TEAD1: variants seen among roughly 807,000 people sequenced by gnomAD.
The protein encoded by TEAD1 is TEA domain transcription factor 1, also known as transcriptional enhancer factor TEF-1.
Under a neutral mutation model 54.9 loss-of-function variants are expected in TEAD1, and 9 were observed. The ratio of observed to expected loss-of-function variants is 0.16; its 90% confidence interval spans 0.10 to 0.29. The LOEUF is 0.29. TEAD1 is among the 10% of genes least tolerant of loss of function. The pLI, the probability that TEAD1 is intolerant of heterozygous loss-of-function variation, is 1.00. For missense variants in TEAD1, 387 were observed against 535.9 expected (o/e 0.72, Z 2.74); for synonymous variants, 200 against 187.8 (o/e 1.07, Z -0.53).
chr11:12,864,656 TGTTTC>T (rs1287511737), intron 4 of TEAD1, 177 bp from the exon 5 acceptor site: 6 of 1,440,252 alleles, frequency 4.2e-6, no homozygotes, highest in Non-Finnish European at 5.5e-6. Context: ...TGTTTTGTTT[TGTTTC>T]CCCTCATAAA....
At position 12,943,964 on chromosome 11, in the gene TEAD1, A is replaced by AT. The variant is rs1949184229; in HGVS notation, c.*6745dup. 3 of 152,596 alleles carry AT rather than the reference A, an allele frequency of 2.0e-5. No individual in the cohort carries two copies. The South Asian group carries it at 6.2e-4, about 32-fold the overall frequency. 9.5% of individuals were successfully genotyped at this position (152,596 alleles called of 1,614,324 possible). A position where few individuals can be genotyped will look rare whatever the true frequency, so the allele number is the denominator to read the frequency against. The stretch of plus-strand genomic sequence containing the variant: ...AAATGACAAAAAAAAAATTTGTAAC[A>AT]TTTAAAAAAGAAACCTGAATAGCCT... On this transcript the variant is annotated 3_prime_UTR_variant, in exon 13 of 13. Transcript: ENST00000527636.
At chr11:12,794,156 G>C (rs1428692428) in intron 3 of TEAD1, among the ~76,000 whole-genome samples, 2 of 152,204 alleles carry the variant, frequency 1.3e-5, no homozygotes, top group East Asian at 3.9e-4. Context: ...TTCTAGGTAT[G>C]AGCTGTGTAA....
intron 8 of TEAD1, 107 bp downstream of exon 8, chr11:12,882,064 G>T (rs549529883): frequency 8.1e-7 from 1 of 1,227,260 alleles, no homozygotes. Context: ...TGCCACAGCC[G>T]CACATTGCCC....
chr11:12,744,616 T>C (rs1017107186), intron 2 of TEAD1, among the ~76,000 whole-genome samples: 20 of 152,244 alleles, frequency 1.3e-4, no homozygotes, highest in Non-Finnish European at 2.9e-5. Context: ...TCTTTGTGGA[T>C]GTTTCTATAT....
chr11:12,899,815 T>G lies in TEAD1; in HGVS notation c.700-2125T>G, dbSNP rs540643560. 4.4e-4 allele frequency among the ~76,000 whole-genome samples: 67 copies of G among 152,240 alleles called. 1 individual carries two copies. In the South Asian group the frequency reaches 6.4e-3, roughly 15 times the overall value. On this transcript the variant is annotated intron_variant, in intron 9 of 12. Coordinates refer to ENST00000527636, the MANE Select transcript of TEAD1 (RefSeq NM_021961.6). Reference sequence around the variant, plus strand: ...AGCTTTGGAAAAGATACCACTCTGATGTTGAACAGGAGAGGGACCTGGCCC... The same window carrying G: ...AGCTTTGGAAAAGATACCACTCTGAGGTTGAACAGGAGAGGGACCTGGCCC...
At chr11:12,856,322 G>A (rs1947378322) in intron 3 of TEAD1, among the ~76,000 whole-genome samples, 2 of 152,036 alleles carry the variant, frequency 1.3e-5, no homozygotes, top group Non-Finnish European at 2.9e-5. Context: ...TTGCAATCAT[G>A]ACATGTGCTG....
At chr11:12,828,726 A>G (rs1375981536) in intron 3 of TEAD1, among the ~76,000 whole-genome samples, 1 of 147,300 alleles carries the variant, frequency 6.8e-6, no homozygotes, top group Non-Finnish European at 1.5e-5. Flanking sequence ...ATCTAAGCGA[A>G]TGGTTTCCTA....
chr11:12,923,535 G>C (rs533464355), intron 10 of TEAD1, among the ~76,000 whole-genome samples: 1 of 152,312 alleles, frequency 6.6e-6, no homozygotes, highest in East Asian at 1.9e-4. Context: ...TCTGAGCATT[G>C]TGCCGGATGC....
intron 2 of TEAD1, among the ~76,000 whole-genome samples, chr11:12,757,904 C>T (rs996127633): frequency 6.6e-5 from 10 of 151,586 alleles, no homozygotes; most frequent in African/African-American, 2.4e-4. Flanking sequence ...CTCAGCCTCC[C>T]AAGTAGCTGG....
chr11:12,678,558 C>T (rs1275774421), intron 2 of TEAD1, among the ~76,000 whole-genome samples: 1 of 152,182 alleles, frequency 6.6e-6, no homozygotes, highest in Non-Finnish European at 1.5e-5. Context: ...TAATTCAGGT[C>T]CATCCTACGC....
chr11:12,869,570 G>A (rs1348245374), intron 5 of TEAD1, among the ~76,000 whole-genome samples: 1 of 152,184 alleles, frequency 6.6e-6, no homozygotes, highest in African/African-American at 2.4e-5. Flanking sequence ...TTGACTAGGA[G>A]TGTGCATCAA....
rs1448463347 is a variant in TEAD1 at position 12,943,305 on chromosome 11, C to T, written c.*6083C>T. The T allele has an allele frequency of 3.9e-5, 6 of 152,628 alleles. No individual in the cohort carries two copies. Among genetic ancestry groups the T allele is most frequent in the Admixed American group, 3.3e-4 (5 of 15,272 alleles). The allele number at this position is 152,628 out of a possible 1,614,324, so 9.5% of individuals were successfully genotyped here. A position where few individuals can be genotyped will look rare whatever the true frequency, so the allele number is the denominator to read the frequency against. On this transcript the variant is annotated 3_prime_UTR_variant, in exon 13 of 13. Coordinates refer to ENST00000527636, the MANE Select transcript of TEAD1 (RefSeq NM_021961.6). ...ATACCACAGTGTGGAAGAAATTAGT[C>T]AAATGCTTGTTTTCCTGCTTCTCTT...
intron 2 of TEAD1, among the ~76,000 whole-genome samples, chr11:12,761,618 G>A (rs1315481686): frequency 6.6e-6 from 1 of 152,176 alleles, no homozygotes; most frequent in Non-Finnish European, 1.5e-5. Context: ...CATTTATTGG[G>A]GGCCACTAAA....
chr11:12,866,031 C>G (rs981271354), intron 5 of TEAD1, among the ~76,000 whole-genome samples: 1 of 152,100 alleles, frequency 6.6e-6, no homozygotes, highest in African/African-American at 2.4e-5. Flanking sequence ...TGGAATAGGA[C>G]AAGTGATTAG....
Position 12,675,551 on chromosome 11 carries a change from C to T in TEAD1, c.-65C>T, listed in dbSNP as rs1348642506. The T allele has an allele frequency of 6.6e-6, 1 of 152,240 alleles. No individual in the cohort carries two copies. Among genetic ancestry groups the T allele is most frequent in the Non-Finnish European group, 1.5e-5 (1 of 68,056 alleles). The allele number at this position is 152,240 out of a possible 1,614,324, so 9.4% of individuals were successfully genotyped here. A position where few individuals can be genotyped will look rare whatever the true frequency, so the allele number is the denominator to read the frequency against. On this transcript the variant is annotated 5_prime_UTR_variant, in exon 2 of 13. Transcript: ENST00000527636. ...AGGAGACTCTCCCTGGAAAACTTCC[C>T]TTCCCTTTCGGTAGGAAATACTGGG...
intron 2 of TEAD1, among the ~76,000 whole-genome samples, chr11:12,732,252 A>C (rs1944439553): frequency 6.6e-6 from 1 of 152,200 alleles, no homozygotes; most frequent in Non-Finnish European, 1.5e-5. Flanking sequence ...TTCCAGTGTC[A>C]AATGATTCAG....
In TEAD1 at chr11:12,810,310, G is replaced by A. The variant is rs118094813; in HGVS notation, c.202+45876G>A. On this transcript the variant is annotated intron_variant, in intron 3 of 12. Coordinates refer to ENST00000527636, the MANE Select transcript of TEAD1 (RefSeq NM_021961.6). ...CCCATTCTTAAGTACCTAGTAACAG[G>A]TCTGAGCTGTTTAGAGGTGTAAGGG... Among the ~76,000 whole-genome samples the A allele has an allele frequency of 2.0e-4, 30 of 152,208 alleles. No individual in the cohort carries two copies. The Middle Eastern group carries it at 0.01, about 52-fold the overall frequency.
At chr11:12,844,601 A>T (rs1256780227) in intron 3 of TEAD1, among the ~76,000 whole-genome samples, 8 of 152,194 alleles carry the variant, frequency 5.3e-5, no homozygotes, top group African/African-American at 1.9e-4. Context: ...TCTCCACAGC[A>T]ATATGGCAGT....
chr11:12,808,936 G>C (rs1946233208), intron 3 of TEAD1, among the ~76,000 whole-genome samples: 2 of 152,280 alleles, frequency 1.3e-5, no homozygotes, highest in South Asian at 4.1e-4. Flanking sequence ...CTCGCAAAAT[G>C]CTGTTGGAGT....
Sources: gnomAD v4.1 joint callset for allele counts (sites outside exome capture counted in the v4.1 genomes callset) on GRCh38, gnomAD v4.1.1 for gene constraint, MANE v1.5 for transcripts, NCBI Gene and HGNC (gene_info 2026-07-23, HGNC 2026-07-21) for gene names.